NRCAM: variants seen among roughly 807,000 people sequenced by gnomAD.
NRCAM encodes the protein NgCAM-related cell adhesion molecule.
NRCAM carries 83 observed loss-of-function variants against 156.5 expected under a neutral mutation model. The observed-to-expected ratio is 0.53, with a 90% CI of 0.44 to 0.64. The LOEUF is 0.64. Ranked by LOEUF, NRCAM falls within the 30% of genes least tolerant of loss-of-function variation. The pLI is 0.00. For synonymous variants in NRCAM, 538 were observed against 563.9 expected (o/e 0.95, Z 0.65); for missense variants, 1,417 against 1,597.3 (o/e 0.89, Z 1.92).
At chr7:108,175,007 G>A (rs979530558) in intron 28 of NRCAM, among the ~76,000 whole-genome samples, 1 of 152,194 alleles carries the variant, frequency 6.6e-6, no homozygotes, top group African/African-American at 2.4e-5. Context: ...AATGTGGCAT[G>A]GCCATATAGA....
At chr7:108,269,399 T>C (rs993613641) in intron 3 of NRCAM, among the ~76,000 whole-genome samples, 3 of 152,190 alleles carry the variant, frequency 2.0e-5, no homozygotes, top group Non-Finnish European at 4.4e-5. Context: ...TTTGTAATTG[T>C]ACAAATATAG....
At chr7:108,438,140 C>CA (rs1443529030) in intron 1 of NRCAM, among the ~76,000 whole-genome samples, 1 of 151,700 alleles carries the variant, frequency 6.6e-6, no homozygotes, top group Non-Finnish European at 1.5e-5. Flanking sequence ...CAAACTTTTT[C>CA]AAAAAACAGA....
chr7:108,155,999 G>A (rs1191483731), intron 32 of NRCAM, among the ~76,000 whole-genome samples: 1 of 152,032 alleles, frequency 6.6e-6, no homozygotes, highest in African/African-American at 2.4e-5. Context: ...GTAAATCTGT[G>A]ATAATTCTGT....
At chr7:108,430,449 T>C (rs1386397424) in intron 1 of NRCAM, among the ~76,000 whole-genome samples, 1 of 151,990 alleles carries the variant, frequency 6.6e-6, no homozygotes, top group East Asian at 1.9e-4. Flanking sequence ...ATAGATTAGA[T>C]GTAGGGTATG....
intron 2 of NRCAM, among the ~76,000 whole-genome samples, chr7:108,398,256 C>T (rs186801432): frequency 2.2e-4 from 33 of 152,308 alleles, no homozygotes; most frequent in Admixed American, 1.9e-3. Context: ...TCACCCACAT[C>T]AGAAATCCAA....
intron 2 of NRCAM, among the ~76,000 whole-genome samples, chr7:108,368,226 C>CCA (rs1554569332): frequency 3.2e-5 from 3 of 92,356 alleles, no homozygotes; most frequent in African/African-American, 1.2e-4. Flanking sequence ...ACTTTCATAC[C>CCA]CCCCCCCACC....
intron 3 of NRCAM, among the ~76,000 whole-genome samples, chr7:108,285,636 T>C (rs1266701797): frequency 6.6e-6 from 1 of 152,222 alleles, no homozygotes; most frequent in Non-Finnish European, 1.5e-5. Flanking sequence ...GACTAGTGTC[T>C]TGATTGCTTC....
chr7:108,315,453 T>C (rs2098899422), intron 2 of NRCAM, among the ~76,000 whole-genome samples: 1 of 152,210 alleles, frequency 6.6e-6, no homozygotes, highest in Admixed American at 6.5e-5. Flanking sequence ...CAAAATCATC[T>C]TGAAACCCAG....
intron 2 of NRCAM, among the ~76,000 whole-genome samples, chr7:108,347,283 G>A (rs936957072): frequency 2.6e-5 from 4 of 151,922 alleles, no homozygotes; most frequent in Admixed American, 1.3e-4. Context: ...TGATCCACCC[G>A]CCTCGGCCTC....
chr7:108,377,992 A>C (rs779512361), intron 2 of NRCAM, among the ~76,000 whole-genome samples: 5 of 152,208 alleles, frequency 3.3e-5, no homozygotes, highest in Admixed American at 6.5e-5. Context: ...CCTTAGAAAC[A>C]AACTTAAATC....
In NRCAM at chr7:108,251,406, C is replaced by G. The variant is rs141503003; in HGVS notation, c.-106-11236G>C. Among the ~76,000 whole-genome samples, 579 of 152,232 alleles carry G rather than the reference C, an allele frequency of 3.8e-3. 2 individuals carry two copies. The highest frequency in any genetic ancestry group is 7.1e-3 in the Non-Finnish European group (484 of 68,008). ...TCATAAAGATTTCAAGAAAACTTTACTAGAAGATGCCCTATCAGGGCTTAT... is the reference window on the plus strand; with the variant it reads ...TCATAAAGATTTCAAGAAAACTTTAGTAGAAGATGCCCTATCAGGGCTTAT... On this transcript the variant is annotated intron_variant, in intron 3 of 32. Transcript: ENST00000379028.
At chr7:108,300,094 T>C (rs1275652177) in intron 3 of NRCAM, among the ~76,000 whole-genome samples, 1 of 150,992 alleles carries the variant, frequency 6.6e-6, no homozygotes, top group Non-Finnish European at 1.5e-5. Context: ...ACTAGGAATA[T>C]CTAAGCCTCC....
rs115728592 is a variant in NRCAM at position 108,352,044 on chromosome 7, T to C, written c.-173-39313A>G. ...CACTCACTCCCTGACTGCAGAGTCC[T>C]TAATGCCTGAGTAGCACTAACAACA... is the stretch of plus-strand genomic sequence containing the variant. On this transcript the variant is annotated intron_variant, in intron 2 of 32. Transcript: ENST00000379028. Among the ~76,000 whole-genome samples, 183 of 152,320 alleles carry C rather than the reference T, an allele frequency of 1.2e-3. 1 individual carries two copies. Among genetic ancestry groups the C allele is most frequent in the African/African-American group, 4.3e-3 (177 of 41,576 alleles).
chr7:108,257,186 G>A (rs2096717328), intron 3 of NRCAM, among the ~76,000 whole-genome samples: 1 of 152,026 alleles, frequency 6.6e-6, no homozygotes, highest in Non-Finnish European at 1.5e-5. Context: ...GGCTGCTGGG[G>A]CCTGGGGTAG....
At chr7:108,236,719 A>G (rs1351970463) in intron 5 of NRCAM, among the ~76,000 whole-genome samples, 1 of 152,046 alleles carries the variant, frequency 6.6e-6, no homozygotes, top group Non-Finnish European at 1.5e-5. Context: ...ATCATTTTTT[A>G]TTTGGACCAG....
chr7:108,176,335 C>G, intron 27 of NRCAM, 95 bp downstream of exon 27: 1 of 1,093,434 alleles, frequency 9.1e-7, no homozygotes, highest in Non-Finnish European at 1.4e-6. Flanking sequence ...TCAGGTAAGA[C>G]AGACGTTCCA....
intron 2 of NRCAM, among the ~76,000 whole-genome samples, chr7:108,378,828 A>G (rs575665181): frequency 6.6e-6 from 1 of 152,154 alleles, no homozygotes; most frequent in African/African-American, 2.4e-5. Flanking sequence ...AAGAATAGAA[A>G]ATGGAAGGAG....
intron 26 of NRCAM, among the ~76,000 whole-genome samples, chr7:108,177,371 C>A (rs2060965090): frequency 6.6e-6 from 1 of 152,112 alleles, no homozygotes; most frequent in Non-Finnish European, 1.5e-5. Context: ...CGCCTGTAAT[C>A]CCAGCACTTT....
chr7:108,295,683 T>C (rs1166089877), intron 3 of NRCAM, among the ~76,000 whole-genome samples: 1 of 152,250 alleles, frequency 6.6e-6, no homozygotes, highest in African/African-American at 2.4e-5. Context: ...TAGCATTCAT[T>C]GTTTCTTGTT....
Sources: gnomAD v4.1 joint callset for allele counts (sites outside exome capture counted in the v4.1 genomes callset) on GRCh38, gnomAD v4.1.1 for gene constraint, MANE v1.5 for transcripts, NCBI Gene and HGNC (gene_info 2026-07-23, HGNC 2026-07-21) for gene names.